The following GPC3 variants were observed in gnomAD, a reference collection of about 807,000 sequenced individuals.
GPC3 encodes glypican 3.
GPC3 carries 3 observed loss-of-function variants against 34.4 expected under a neutral mutation model. That is an observed-to-expected ratio of 0.09 (90% CI 0.04 to 0.23). GPC3 has a LOEUF of 0.23. Among genes scored for constraint, GPC3 ranks in the 10% least tolerant of loss-of-function variants. The pLI is 1.00. For missense variants in GPC3, 351 were observed against 445.6 expected (o/e 0.79, Z 1.91); for synonymous variants, 177 against 174.0 (o/e 1.02, Z -0.13).
At chrX:133,600,642 A>C (rs2069970468) in intron 6 of GPC3, among the ~76,000 whole-genome samples, 1 of 111,770 alleles carries the variant, frequency 8.9e-6, no homozygotes, top group Admixed American at 9.5e-5. Flanking sequence ...CTTAAAGAAG[A>C]GACTGAAGCT....
At chrX:133,559,500 C>T (rs940211988) in intron 7 of GPC3, among the ~76,000 whole-genome samples, 1 of 110,975 alleles carries the variant, frequency 9.0e-6, no homozygotes, top group Non-Finnish European at 1.9e-5. Context: ...CAAAACCCCC[C>T]GTAGGCCAAG....
intron 7 of GPC3, among the ~76,000 whole-genome samples, chrX:133,587,913 C>T (rs761244454): frequency 9.0e-6 from 1 of 111,555 alleles, no homozygotes; most frequent in Non-Finnish European, 1.9e-5. Flanking sequence ...GTGGCAGACA[C>T]AGAACTGGGA....
intron 4 of GPC3, 149 bp from the exon 5 acceptor site, chrX:133,692,643 C>A: frequency 2.0e-6 from 1 of 500,729 alleles, no homozygotes. Flanking sequence ...TACAAGGCCA[C>A]AGTTTAGTTT....
chrX:133,879,221 C>A (rs1345291338), intron 2 of GPC3, among the ~76,000 whole-genome samples: 1 of 110,170 alleles, frequency 9.1e-6, no homozygotes, highest in African/African-American at 3.3e-5. Context: ...TCCCCACCAC[C>A]TCCGTAACCT....
intron 6 of GPC3, among the ~76,000 whole-genome samples, chrX:133,625,870 C>A (rs2070293691): frequency 8.9e-6 from 1 of 111,989 alleles, no homozygotes; most frequent in South Asian, 3.7e-4. Flanking sequence ...AATCCTAAGC[C>A]AAAAGAACAA....
intron 2 of GPC3, among the ~76,000 whole-genome samples, chrX:133,784,251 A>C (rs2072080785): frequency 9.0e-6 from 1 of 111,712 alleles, no homozygotes; most frequent in South Asian, 3.8e-4. Context: ...TTTCTGAAAA[A>C]CGCACGTGTA....
At chrX:133,849,156 G>A (rs1299774879) in intron 2 of GPC3, among the ~76,000 whole-genome samples, 1 of 92,520 alleles carries the variant, frequency 1.1e-5, no homozygotes, top group African/African-American at 4.3e-5. Context: ...GTGCAGTGGC[G>A]CTACCTCGGC....
chrX:133,735,501 A>C (rs1159900309), intron 3 of GPC3, among the ~76,000 whole-genome samples: 1 of 111,872 alleles, frequency 8.9e-6, no homozygotes, highest in African/African-American at 3.2e-5. Context: ...GATTCTATAA[A>C]ATTCTTAGAA....
intron 3 of GPC3, chrX:133,704,385 G>A (rs1364138696): frequency 8.9e-6 from 3 of 338,274 alleles, no homozygotes; most frequent in Admixed American, 5.3e-5. Flanking sequence ...ATAAAAGACA[G>A]ATTAAAAAGA....
At chrX:133,820,533 G>A (rs1170542095) in intron 2 of GPC3, among the ~76,000 whole-genome samples, 1 of 111,231 alleles carries the variant, frequency 9.0e-6, no homozygotes, top group Non-Finnish European at 1.9e-5. Context: ...GGTTTGGTAA[G>A]ACCATCCTAG....
At chrX:133,544,827 G>A (rs924045861) in intron 7 of GPC3, among the ~76,000 whole-genome samples, 13 of 111,726 alleles carry the variant, frequency 1.2e-4, no homozygotes, top group African/African-American at 1.6e-4. Flanking sequence ...CACTGTGCCC[G>A]GCCTACCATA....
chrX:133,684,177 A>C (rs2070973058), intron 5 of GPC3, among the ~76,000 whole-genome samples: 1 of 112,410 alleles, frequency 8.9e-6, no homozygotes, highest in African/African-American at 3.2e-5. Flanking sequence ...CTAACATAGC[A>C]GTTCCCCAAA....
intron 1 of GPC3, among the ~76,000 whole-genome samples, chrX:133,966,043 C>T (rs2076461941): frequency 8.9e-6 from 1 of 111,792 alleles, no homozygotes; most frequent in Non-Finnish European, 1.9e-5. Flanking sequence ...AGGCCGAATA[C>T]TACTTTAACA....
intron 2 of GPC3, among the ~76,000 whole-genome samples, chrX:133,774,532 A>G (rs2071956237): frequency 9.0e-6 from 1 of 111,373 alleles, no homozygotes; most frequent in Admixed American, 9.6e-5. Context: ...CCCAAGGTAT[A>G]AGCTTTGAAT....
chrX:133,722,344 A>G (rs1295232359), intron 3 of GPC3, among the ~76,000 whole-genome samples: 1 of 111,083 alleles, frequency 9.0e-6, no homozygotes, highest in Non-Finnish European at 1.9e-5. Flanking sequence ...CTATCACAGA[A>G]CCCCAAATCA....
At chrX:133,757,597 T>C (rs777176783) in intron 2 of GPC3, among the ~76,000 whole-genome samples, 1 of 111,441 alleles carries the variant, frequency 9.0e-6, no homozygotes, top group African/African-American at 3.3e-5. Flanking sequence ...ATACTTGTGT[T>C]TGGAAGAAGA....
At chrX:133,953,249 A>ATC (rs775371060) in intron 1 of GPC3, 38 bp from the exon 2 acceptor site, 17 of 1,154,733 alleles carry the variant, frequency 1.5e-5, no homozygotes, top group South Asian at 7.2e-5. Flanking sequence ...AGTAAGCAGG[A>ATC]TCTCTCTCTC....
At chrX:133,826,561 A>T (rs1490695070) in intron 2 of GPC3, among the ~76,000 whole-genome samples, 1 of 111,438 alleles carries the variant, frequency 9.0e-6, no homozygotes, top group African/African-American at 3.3e-5. Context: ...ATCATCAAGC[A>T]TACCAACAAA....
intron 2 of GPC3, among the ~76,000 whole-genome samples, chrX:133,911,238 A>G (rs1043634058): frequency 1.2e-4 from 13 of 112,272 alleles, no homozygotes; most frequent in Non-Finnish European, 2.1e-4. Flanking sequence ...TTGTTTTGCT[A>G]AAGTAACAAA....
Sources: gnomAD v4.1 joint callset for allele counts (sites outside exome capture counted in the v4.1 genomes callset) on GRCh38, gnomAD v4.1.1 for gene constraint, MANE v1.5 for transcripts, NCBI Gene and HGNC (gene_info 2026-07-23, HGNC 2026-07-21) for gene names.